RGS7BP: variants seen among roughly 807,000 people sequenced by gnomAD.
RGS7BP encodes regulator of G protein signaling 7 binding protein, also known as regulator of G protein signaling 7-binding protein.
In RGS7BP, 9 loss-of-function variants were observed where a neutral mutation model predicts 31.3. The observed-to-expected ratio is 0.29, with a 90% confidence interval of 0.17 to 0.50. The LOEUF is 0.50. Ranked by LOEUF, RGS7BP falls within the 20% of genes least tolerant of loss-of-function variation. The probability of loss-of-function intolerance (pLI) is 0.98; values close to 1 mark genes in which losing one functional copy is unlikely to be tolerated. For synonymous variants in RGS7BP, 115 were observed against 120.1 expected, an observed-to-expected ratio of 0.96 and a Z score of 0.28; for missense variants, 274 against 322.0, an observed-to-expected ratio of 0.85 and a Z score of 1.14.
chr5:64,592,513 A>G lies in RGS7BP; in HGVS notation c.464-2197A>G, dbSNP rs935640644. 2.6e-5 allele frequency among the ~76,000 whole-genome samples: 4 copies of G among 152,250 alleles called. No homozygotes were observed. In the East Asian group the frequency reaches 7.7e-4, roughly 29 times the overall value. On this transcript the variant is annotated intron_variant, in intron 3 of 5. Coordinates refer to ENST00000334025, the MANE Select transcript of RGS7BP (RefSeq NM_001029875.3). The stretch of plus-strand genomic sequence containing the variant: ...TTAAGTATAATCAAAAGTGTTGTCA[A>G]CTAGATCCCATTTATGGCTTTGCAT...
intron 2 of RGS7BP, among the ~76,000 whole-genome samples, chr5:64,537,671 A>G (rs1356823492): frequency 6.6e-6 from 1 of 152,192 alleles, no homozygotes; most frequent in Non-Finnish European, 1.5e-5. Context: ...AGCCCCAGAA[A>G]GCTACATCAT....
intron 3 of RGS7BP, among the ~76,000 whole-genome samples, chr5:64,586,302 G>A (rs1394526274): frequency 6.6e-6 from 1 of 152,042 alleles, no homozygotes; most frequent in Non-Finnish European, 1.5e-5. Context: ...TATCTCACCA[G>A]TAATCCCCAC....
At chr5:64,547,739 G>A (rs1238416564) in intron 2 of RGS7BP, among the ~76,000 whole-genome samples, 2 of 152,106 alleles carry the variant, frequency 1.3e-5, no homozygotes, top group Admixed American at 1.3e-4. Flanking sequence ...TAGCTTCCAT[G>A]ATGATGGAAG....
At chr5:64,571,843 T>C (rs1742307397) in intron 2 of RGS7BP, among the ~76,000 whole-genome samples, 1 of 152,162 alleles carries the variant, frequency 6.6e-6, no homozygotes, top group African/African-American at 2.4e-5. Flanking sequence ...GTTTTTGGAT[T>C]CATCTTGAAC....
intron 2 of RGS7BP, among the ~76,000 whole-genome samples, chr5:64,566,049 T>C (rs1332036759): frequency 6.6e-6 from 1 of 152,094 alleles, no homozygotes; most frequent in African/African-American, 2.4e-5. Context: ...TGCAAAAGGC[T>C]GGGGAAGAAA....
chr5:64,553,603 C>T (rs903313339), intron 2 of RGS7BP, among the ~76,000 whole-genome samples: 27 of 151,824 alleles, frequency 1.8e-4, no homozygotes, highest in African/African-American at 6.3e-4. Flanking sequence ...GTAGAAAGAG[C>T]CTAGGCTTTG....
intron 2 of RGS7BP, among the ~76,000 whole-genome samples, chr5:64,513,037 A>G (rs1317577563): frequency 6.6e-6 from 1 of 152,226 alleles, no homozygotes; most frequent in Non-Finnish European, 1.5e-5. Context: ...TGGCTTCCTC[A>G]TTCCATTATT....
intron 4 of RGS7BP, among the ~76,000 whole-genome samples, chr5:64,598,069 C>A (rs1020050239): frequency 1.3e-5 from 2 of 152,164 alleles, no homozygotes; most frequent in African/African-American, 2.4e-5. Flanking sequence ...TCCTCGTGAC[C>A]AATGGCTCTT....
At chr5:64,559,110 C>A (rs916761381) in intron 2 of RGS7BP, among the ~76,000 whole-genome samples, 1 of 152,046 alleles carries the variant, frequency 6.6e-6, no homozygotes, top group Non-Finnish European at 1.5e-5. Flanking sequence ...TCTCTGTGAC[C>A]CATACCCTAT....
At chr5:64,591,221 C>G (rs1482651884) in intron 3 of RGS7BP, among the ~76,000 whole-genome samples, 2 of 151,926 alleles carry the variant, frequency 1.3e-5, no homozygotes, top group South Asian at 4.1e-4. Context: ...TTTAAATGGG[C>G]AAATTACACA....
intron 3 of RGS7BP, among the ~76,000 whole-genome samples, chr5:64,586,709 G>A (rs1027590150): frequency 6.6e-6 from 1 of 152,204 alleles, no homozygotes; most frequent in African/African-American, 2.4e-5. Context: ...CTAGCAGAGT[G>A]CCTCAGGCAG....
intron 3 of RGS7BP, among the ~76,000 whole-genome samples, chr5:64,588,075 A>C (rs1384519993): frequency 6.6e-6 from 1 of 152,246 alleles, no homozygotes; most frequent in Non-Finnish European, 1.5e-5. Flanking sequence ...TAAAAAATTT[A>C]AAATATATGT....
chr5:64,554,356 C>G (rs1334250537), intron 2 of RGS7BP, among the ~76,000 whole-genome samples: 1 of 152,166 alleles, frequency 6.6e-6, no homozygotes, highest in Non-Finnish European at 1.5e-5. Flanking sequence ...TACAGCCAAC[C>G]TCAAATTCCT....
chr5:64,564,528 C>T (rs909327004), intron 2 of RGS7BP, among the ~76,000 whole-genome samples: 7 of 152,100 alleles, frequency 4.6e-5, no homozygotes, highest in Non-Finnish European at 2.9e-5. Flanking sequence ...GAGAAGGGTA[C>T]AGATTGTGAT....
intron 3 of RGS7BP, among the ~76,000 whole-genome samples, chr5:64,590,237 A>C (rs1340520716): frequency 6.7e-6 from 1 of 150,010 alleles, no homozygotes; most frequent in East Asian, 1.9e-4. Flanking sequence ...ACCAAGAGGG[A>C]GAGAGAGAGA....
At chr5:64,605,991 A>G (rs937005204) in intron 5 of RGS7BP, among the ~76,000 whole-genome samples, 5 of 140,938 alleles carry the variant, frequency 3.5e-5, no homozygotes, top group African/African-American at 5.3e-5. Context: ...GGATACATAT[A>G]TATATGCTAT....
chr5:64,531,525 A>G (rs1448983028), intron 2 of RGS7BP, among the ~76,000 whole-genome samples: 1 of 152,114 alleles, frequency 6.6e-6, no homozygotes, highest in African/African-American at 2.4e-5. Flanking sequence ...GCAGTCCGTG[A>G]AGAAGTCACC....
At chr5:64,523,491 G>GA (rs1749160532) in intron 2 of RGS7BP, among the ~76,000 whole-genome samples, 3 of 152,202 alleles carry the variant, frequency 2.0e-5, no homozygotes, top group African/African-American at 7.2e-5. Context: ...CCACCTGCTT[G>GA]TTTGTTCAGA....
intron 3 of RGS7BP, among the ~76,000 whole-genome samples, chr5:64,580,702 T>C (rs577614635): frequency 2.6e-5 from 4 of 152,196 alleles, no homozygotes; most frequent in Admixed American, 2.6e-4. Flanking sequence ...GCCAGACTAG[T>C]TTTTACAAGA....
Sources: gnomAD v4.1 joint callset for allele counts (sites outside exome capture counted in the v4.1 genomes callset) on GRCh38, gnomAD v4.1.1 for gene constraint, MANE v1.5 for transcripts, NCBI Gene and HGNC (gene_info 2026-07-23, HGNC 2026-07-21) for gene names.